The following ETV6 variants were observed in gnomAD, a reference collection of about 807,000 sequenced individuals.
The protein encoded by ETV6 is transcription factor ETV6.
In ETV6, 16 loss-of-function variants were observed where a neutral mutation model predicts 51.1. The ratio of observed to expected loss-of-function variants is 0.31; its 90% CI spans 0.21 to 0.48. The LOEUF is 0.48. Among genes scored for constraint, ETV6 ranks in the 20% least tolerant of loss-of-function variants. ETV6 has a pLI of 0.99. For missense variants in ETV6, 458 were observed against 594.8 expected (o/e 0.77, Z 2.39); for synonymous variants, 240 against 224.1 (o/e 1.07, Z -0.64).
At chr12:11,798,933 G>A (rs189447420) in intron 2 of ETV6, among the ~76,000 whole-genome samples, 5 of 152,224 alleles carry the variant, frequency 3.3e-5, no homozygotes, top group South Asian at 2.1e-4. Context: ...CCCTCCAACC[G>A]TTGCTTGTTG....
rs142480063 is a variant in ETV6 at position 11,677,721 on chromosome 12, A to G, written c.33+27561A>G. ...TGGTTACACTAGTGCCACTTACTCT[A>G]TAACTTTGGCGGACAAATTACTGGA... On this transcript the variant is annotated intron_variant, in intron 1 of 7. Coordinates refer to ENST00000396373, the MANE Select transcript of ETV6 (RefSeq NM_001987.5). Among the ~76,000 whole-genome samples the G allele has an allele frequency of 2.6e-3, 394 of 152,334 alleles. 4 individuals are homozygous for G. The highest frequency in any genetic ancestry group is 0.024 in the East Asian group (124 of 5,182).
chr12:11,820,551 A>C (rs1946062247), intron 2 of ETV6, among the ~76,000 whole-genome samples: 1 of 152,180 alleles, frequency 6.6e-6, no homozygotes, highest in Non-Finnish European at 1.5e-5. Flanking sequence ...GGAAGTGAGG[A>C]TGTCTAGGAG....
chr12:11,757,271 G>A lies in ETV6; in HGVS notation c.163+4692G>A, dbSNP rs566850699. On this transcript the variant is annotated intron_variant, in intron 2 of 7. Transcript: ENST00000396373. ...ACATTACCTCGCTGCTCACCCACTCGGCTGTTTTGCCTTCTCAGCAGAGTA... is the reference window on the plus strand; with the variant it reads ...ACATTACCTCGCTGCTCACCCACTCAGCTGTTTTGCCTTCTCAGCAGAGTA... 9.9e-5 allele frequency among the ~76,000 whole-genome samples: 15 copies of A among 152,116 alleles called. No individual in the cohort carries two copies. The South Asian group carries it at 2.7e-3, about 27-fold the overall frequency.
chr12:11,874,438 G>GTATA lies in ETV6; in HGVS notation c.1009+4477_1009+4480dup, dbSNP rs71057776. ...TGTATATATATACACACACATATAT[G>GTATA]TATATATATATGCGTATGTATATAT... is the stretch of plus-strand genomic sequence containing the variant. On this transcript the variant is annotated intron_variant, in intron 5 of 7. Coordinates refer to ENST00000396373, the MANE Select transcript of ETV6 (RefSeq NM_001987.5). Among the ~76,000 whole-genome samples the GTATA allele has an allele frequency of 8.8e-4, 4 of 4,532 alleles. 1 individual carries two copies. Among genetic ancestry groups the GTATA allele is most frequent in the African/African-American group, 1.4e-3 (4 of 2,950 alleles). The allele number at this position is 4,532 out of a possible 152,430, so 3.0% of individuals were successfully genotyped here.
chr12:11,785,037 A>G lies in ETV6; in HGVS notation c.163+32458A>G, dbSNP rs115835466. Among the ~76,000 whole-genome samples the G allele has an allele frequency of 3.9e-3, 587 of 152,104 alleles. 2 individuals carry two copies. The highest frequency in any genetic ancestry group is 0.014 in the African/African-American group (565 of 41,462). On this transcript the variant is annotated intron_variant, in intron 2 of 7. Transcript: ENST00000396373. ...TTTGGCTTGTATTAATAATTTGCCA[A>G]TGAGAATTGTAAGCAATGGATTGAC... is the stretch of plus-strand genomic sequence containing the variant.
chr12:11,659,318 A>C (rs1455562814), intron 1 of ETV6, among the ~76,000 whole-genome samples: 1 of 152,222 alleles, frequency 6.6e-6, no homozygotes, highest in Non-Finnish European at 1.5e-5. Context: ...GAGAAGATGA[A>C]CTATAGACTG....
At chr12:11,752,352 C>T (rs1424519885) in intron 1 of ETV6, 98 bp from the exon 2 acceptor site, 1 of 1,325,264 alleles carries the variant, frequency 7.5e-7, no homozygotes, top group Non-Finnish European at 1.0e-6. Context: ...CATGCCCCGC[C>T]TCCCTTTTGC....
intron 4 of ETV6, among the ~76,000 whole-genome samples, chr12:11,854,483 G>C (rs1221201332): frequency 6.6e-6 from 1 of 152,232 alleles, no homozygotes; most frequent in Non-Finnish European, 1.5e-5. Flanking sequence ...AATGACGTAA[G>C]GGTGGGGTAA....
At chr12:11,687,724 C>T (rs903520742) in intron 1 of ETV6, among the ~76,000 whole-genome samples, 3 of 151,970 alleles carry the variant, frequency 2.0e-5, no homozygotes, top group Non-Finnish European at 2.9e-5. Context: ...AGCACATAAG[C>T]TGTAGTCTTT....
intron 1 of ETV6, among the ~76,000 whole-genome samples, chr12:11,660,622 A>G (rs7297979): frequency 0.084 from 12,153 of 144,824 alleles, 600 homozygotes; most frequent in African/African-American, 0.12. Context: ...AAAAAGGGAG[A>G]TGGGGGACAT....
chr12:11,847,034 AAGGTGCGGCG>A (rs1946476939), intron 3 of ETV6, among the ~76,000 whole-genome samples: 1 of 152,092 alleles, frequency 6.6e-6, no homozygotes, highest in Non-Finnish European at 1.5e-5. Flanking sequence ...TCGGCATGGC[AAGGTGCGGCG>A]GTGAAAAGTG....
chr12:11,889,600 G>C (rs1336697040), intron 7 of ETV6, among the ~76,000 whole-genome samples: 2 of 152,182 alleles, frequency 1.3e-5, no homozygotes, highest in Admixed American at 6.5e-5. Context: ...CTCGTGAGAA[G>C]AGTCAGGAGG....
intron 5 of ETV6, among the ~76,000 whole-genome samples, chr12:11,882,850 G>A (rs1473678552): frequency 6.6e-6 from 1 of 152,158 alleles, no homozygotes; most frequent in Non-Finnish European, 1.5e-5. Context: ...AGTCTCAACT[G>A]GACACTCCCC....
intron 2 of ETV6, among the ~76,000 whole-genome samples, chr12:11,801,867 G>A (rs1945754581): frequency 2.0e-5 from 3 of 152,186 alleles, no homozygotes; most frequent in African/African-American, 7.2e-5. Context: ...CAAACCCAAG[G>A]CCAGCAGAAG....
At chr12:11,721,884 A>G (rs947373407) in intron 1 of ETV6, among the ~76,000 whole-genome samples, 2 of 152,230 alleles carry the variant, frequency 1.3e-5, no homozygotes, top group African/African-American at 4.8e-5. Context: ...GAAAGTTTGA[A>G]TGGTGGGAAA....
At chr12:11,819,117 A>G (rs1946038421) in intron 2 of ETV6, among the ~76,000 whole-genome samples, 1 of 152,034 alleles carries the variant, frequency 6.6e-6, no homozygotes, top group Non-Finnish European at 1.5e-5. Flanking sequence ...CTTCACTACC[A>G]CAAATCTGGT....
At chr12:11,702,847 T>C (rs931379084) in intron 1 of ETV6, among the ~76,000 whole-genome samples, 1 of 152,246 alleles carries the variant, frequency 6.6e-6, no homozygotes, top group Non-Finnish European at 1.5e-5. Context: ...TTGTCATGCC[T>C]GTAATCCCAA....
rs79717178 is a variant in ETV6, at chr12:11,813,657, A to G, written c.164-25483A>G. Among the ~76,000 whole-genome samples, 116 of 139,862 alleles carry G rather than the reference A, an allele frequency of 8.3e-4. 2 individuals are homozygous for G. The East Asian group carries it at 0.022, about 27-fold the overall frequency. 91.8% of individuals were successfully genotyped at this position (139,862 alleles called of 152,430 possible). A position where few individuals can be genotyped will look rare whatever the true frequency, so the allele number is the denominator to read the frequency against. ...ACGGCCTGCCCTTTCCTGATTCTTC[A>G]GAACTGACAACTATAAATCCAGCCC... is the stretch of plus-strand genomic sequence containing the variant. On this transcript the variant is annotated intron_variant, in intron 2 of 7. Coordinates refer to ENST00000396373, the MANE Select transcript of ETV6 (RefSeq NM_001987.5).
At chr12:11,805,971 C>T (rs2724613) in intron 2 of ETV6, among the ~76,000 whole-genome samples, 2,941 of 152,260 alleles carry the variant, frequency 0.019, 92 homozygotes, top group African/African-American at 0.066. Context: ...TTTGTTTGCT[C>T]AACTCATGGA....
Sources: allele counts gnomAD v4.1 joint callset (sites outside exome capture counted in the v4.1 genomes callset), GRCh38; gene constraint gnomAD v4.1.1; transcripts MANE v1.5; gene names NCBI Gene and HGNC (gene_info 2026-07-23, HGNC 2026-07-21).